The following MACROD2 variants were observed in gnomAD, a reference collection of about 807,000 sequenced individuals.
MACROD2 encodes ADP-ribose glycohydrolase MACROD2.
A neutral mutation model predicts 70.4 loss-of-function variants in MACROD2; 36 were observed. That is an observed-to-expected ratio of 0.51 (90% confidence interval 0.39 to 0.68). MACROD2 has a LOEUF of 0.68. MACROD2 is among the 30% of genes least tolerant of loss of function. The pLI is 0.00. For missense variants in MACROD2, 496 were observed against 538.4 expected, an observed-to-expected ratio of 0.92 and a Z score of 0.78; for synonymous variants, 172 against 178.8, an observed-to-expected ratio of 0.96 and a Z score of 0.30.
intron 2 of MACROD2, chr20:14,053,824 C>A (rs1185450378): frequency 6.6e-6 from 1 of 151,712 alleles, no homozygotes; most frequent in Non-Finnish European, 1.5e-5. Flanking sequence ...TTCTCTTTTC[C>A]TTGAGATTTT....
chr20:15,046,986 A>C (rs384360), intron 5 of MACROD2, among the ~76,000 whole-genome samples: 48,841 of 151,982 alleles, frequency 0.32, 10,558 homozygotes, highest in African/African-American at 0.63. Context: ...AGTAGAACAT[A>C]TTTCTTTATG....
intron 8 of MACROD2, among the ~76,000 whole-genome samples, chr20:15,760,300 T>TA (rs1473075686): frequency 6.6e-6 from 1 of 152,222 alleles, no homozygotes; most frequent in Non-Finnish European, 1.5e-5. Context: ...CTCAGCCACT[T>TA]ACGCAAAGGG....
chr20:14,622,044 T>C (rs1366537105), intron 4 of MACROD2: 1 of 152,178 alleles, frequency 6.6e-6, no homozygotes, highest in Non-Finnish European at 1.5e-5. Flanking sequence ...AGGTAAAATC[T>C]TTGGAAAATA....
intron 3 of MACROD2, among the ~76,000 whole-genome samples, chr20:14,441,076 A>G (rs1486749727): frequency 6.6e-6 from 1 of 152,200 alleles, no homozygotes; most frequent in Non-Finnish European, 1.5e-5. Context: ...CATGTGCATT[A>G]TTTATGTCTG....
chr20:14,520,477 GT>G (rs11087094), intron 4 of MACROD2, among the ~76,000 whole-genome samples: 2 of 149,814 alleles, frequency 1.3e-5, no homozygotes, highest in Admixed American at 6.6e-5. Flanking sequence ...ACTGTTTGAG[GT>G]TTTTTTTGTT....
At chr20:15,214,699 A>G (rs1601239757) in intron 5 of MACROD2, among the ~76,000 whole-genome samples, 1 of 152,216 alleles carries the variant, frequency 6.6e-6, no homozygotes, top group Non-Finnish European at 1.5e-5. Context: ...TTTTTATTGT[A>G]TAGCAGTGTC....
chr20:14,071,653 G>T (rs1032910758), intron 2 of MACROD2, among the ~76,000 whole-genome samples: 45 of 152,190 alleles, frequency 3.0e-4, no homozygotes, highest in African/African-American at 1.0e-3. Flanking sequence ...TGTTAAATTT[G>T]CTTTTCTTGT....
At chr20:15,978,475 G>A (rs1172254150) in intron 13 of MACROD2, among the ~76,000 whole-genome samples, 2 of 152,042 alleles carry the variant, frequency 1.3e-5, no homozygotes, top group Middle Eastern at 3.4e-3. Flanking sequence ...AGAACCCCAG[G>A]GTCTCTCTCC....
chr20:14,125,613 C>T (rs1330472038), intron 3 of MACROD2, among the ~76,000 whole-genome samples: 1 of 152,084 alleles, frequency 6.6e-6, no homozygotes, highest in Non-Finnish European at 1.5e-5. Flanking sequence ...TGTACACATA[C>T]TCTATACATG....
At chr20:14,855,799 T>C (rs2073250152) in intron 5 of MACROD2, among the ~76,000 whole-genome samples, 1 of 151,976 alleles carries the variant, frequency 6.6e-6, no homozygotes, top group Admixed American at 6.6e-5. Flanking sequence ...AAAGATGTTA[T>C]CTCTTATGGT....
At chr20:14,331,220 C>G (rs902639641) in intron 3 of MACROD2, among the ~76,000 whole-genome samples, 2 of 152,010 alleles carry the variant, frequency 1.3e-5, no homozygotes, top group Admixed American at 6.6e-5. Context: ...AAATAAATGT[C>G]TTTTATCTTG....
At chr20:15,428,221 T>C (rs1196711992) in intron 6 of MACROD2, among the ~76,000 whole-genome samples, 1 of 152,204 alleles carries the variant, frequency 6.6e-6, no homozygotes, top group African/African-American at 2.4e-5. Context: ...AAAAAAGCAG[T>C]GCTCAGAGTA....
intron 3 of MACROD2, among the ~76,000 whole-genome samples, chr20:14,302,802 G>A (rs186220164): frequency 3.9e-4 from 59 of 151,900 alleles, no homozygotes; most frequent in Middle Eastern, 6.8e-3. Flanking sequence ...ACAGGCGCGC[G>A]CCACCATGCC....
intron 4 of MACROD2, among the ~76,000 whole-genome samples, chr20:14,660,202 C>G (rs1316860582): frequency 6.6e-6 from 1 of 152,188 alleles, no homozygotes; most frequent in Non-Finnish European, 1.5e-5. Flanking sequence ...TACTTTGTTA[C>G]TGATGAGATC....
chr20:15,653,380 T>G (rs576987551), intron 8 of MACROD2, among the ~76,000 whole-genome samples: 2 of 152,282 alleles, frequency 1.3e-5, no homozygotes, highest in East Asian at 3.9e-4. Flanking sequence ...AAACGTGCCA[T>G]GTCAACAAGT....
intron 12 of MACROD2, among the ~76,000 whole-genome samples, chr20:15,941,248 G>A (rs2065747664): frequency 1.3e-5 from 2 of 152,078 alleles, no homozygotes; most frequent in Non-Finnish European, 2.9e-5. Flanking sequence ...ACTGAAATAA[G>A]CCATTAATAT....
At chr20:15,342,774 GA>G (rs2078124405) in intron 6 of MACROD2, among the ~76,000 whole-genome samples, 1 of 152,150 alleles carries the variant, frequency 6.6e-6, no homozygotes, top group African/African-American at 2.4e-5. Flanking sequence ...GGAGTTTTCG[GA>G]GGGGTGGAAC....
intron 5 of MACROD2, among the ~76,000 whole-genome samples, chr20:15,138,388 G>A (rs1488617448): frequency 6.6e-6 from 1 of 152,106 alleles, no homozygotes; most frequent in Non-Finnish European, 1.5e-5. Context: ...GAGAATTTAT[G>A]CATGTGAAAT....
intron 6 of MACROD2, among the ~76,000 whole-genome samples, chr20:15,254,332 A>G (rs2077180459): frequency 6.6e-6 from 1 of 152,130 alleles, no homozygotes; most frequent in Non-Finnish European, 1.5e-5. Flanking sequence ...AGCCAGAATC[A>G]TCAATAACTC....
Sources: allele counts gnomAD v4.1 joint callset (sites outside exome capture counted in the v4.1 genomes callset), GRCh38; gene constraint gnomAD v4.1.1; transcripts MANE v1.5; gene names NCBI Gene and HGNC (gene_info 2026-07-23, HGNC 2026-07-21).